Variants in RAI1 observed in about 807,000 individuals in gnomAD.
The protein encoded by RAI1 is retinoic acid-induced protein 1.
In RAI1, 9 loss-of-function variants were observed where a neutral mutation model predicts 123.8. The ratio of observed to expected loss-of-function variants is 0.07; its 90% CI spans 0.04 to 0.13. The LOEUF (loss-of-function observed/expected upper bound fraction) is 0.13, where lower values mean the gene tolerates loss of function less well. RAI1 is among the 10% of genes least tolerant of loss of function. RAI1 has a pLI of 1.00. For missense variants in RAI1, 2,256 were observed against 2,545.8 expected, an observed-to-expected ratio of 0.89 and a Z score of 2.45; for synonymous variants, 1,231 against 1,127.3, an observed-to-expected ratio of 1.09 and a Z score of -1.84.
chr17:17,690,753 G>C (rs927879577), intron 1 of RAI1, among the ~76,000 whole-genome samples: 1 of 152,220 alleles, frequency 6.6e-6, no homozygotes, highest in African/African-American at 2.4e-5. Context: ...GAGATGTGAA[G>C]TTGTAAACCT....
chr17:17,770,464 G>C (rs2031109539), intron 2 of RAI1, among the ~76,000 whole-genome samples: 1 of 152,216 alleles, frequency 6.6e-6, no homozygotes, highest in Non-Finnish European at 1.5e-5. Flanking sequence ...AGTTATAAAA[G>C]GAGGGAGATT....
chr17:17,798,159 G>C lies in RAI1; in HGVS notation c.5211G>C (p.Glu1737Asp), dbSNP rs1460966372. 6.2e-7 allele frequency: 1 copy of C among 1,613,306 alleles called. No individual in the cohort carries two copies. The highest frequency in any genetic ancestry group is 8.5e-7 in the Non-Finnish European group (1 of 1,180,050). The part of the protein sequence containing the change: ...GTCEEASLPL[E>D]RTLKGPECAA... ...GTGAGGAGGCCTCGCTGCCGCTTGA[G>C]AGAACACTCAAAGGTCCCGAGTGTG... The change falls in exon 3 of 6, where the codon GAG becomes GAC. Residue 1737 changes from glutamate (E) to aspartate (D), a missense_variant. Around this residue, in one of 7 missense-constraint regions of RAI1, gnomAD observed 243 missense variants for 316.6 expected, o/e 0.77. Transcript: ENST00000353383.
intron 2 of RAI1, among the ~76,000 whole-genome samples, chr17:17,783,441 G>T (rs2031687980): frequency 6.6e-6 from 1 of 151,326 alleles, no homozygotes; most frequent in South Asian, 2.1e-4. Context: ...CAAATAGAAG[G>T]TGAAATTTTA....
chr17:17,717,760 GATGAA>G (rs1915757143), intron 1 of RAI1, among the ~76,000 whole-genome samples: 1 of 152,184 alleles, frequency 6.6e-6, no homozygotes, highest in Admixed American at 6.5e-5. Flanking sequence ...GAGGAAGGAA[GATGAA>G]TACCCATAGT....
intron 2 of RAI1, among the ~76,000 whole-genome samples, chr17:17,782,657 A>G (rs531348943): frequency 8.7e-5 from 12 of 137,678 alleles, no homozygotes; most frequent in African/African-American, 2.9e-4. Flanking sequence ...GTGGGGACCG[A>G]AGCATTAGAA....
chr17:17,761,639 AGGTGGAAAGGTTGGGAG>A (rs2030701562), intron 2 of RAI1, among the ~76,000 whole-genome samples: 1 of 152,206 alleles, frequency 6.6e-6, no homozygotes, highest in African/African-American at 2.4e-5. Flanking sequence ...AACTAGGAGC[AGGTGGAAAGGTTGGGAG>A]GCACAAAAGG....
At chr17:17,716,839 G>A (rs567011312) in intron 1 of RAI1, among the ~76,000 whole-genome samples, 9 of 152,348 alleles carry the variant, frequency 5.9e-5, no homozygotes, top group African/African-American at 1.9e-4. Context: ...CACTGGTGGG[G>A]CTGATGTTGC....
chr17:17,803,138 G>T, intron 3 of RAI1, among the ~76,000 whole-genome samples: 1 of 139,624 alleles, frequency 7.2e-6, no homozygotes, highest in Non-Finnish European at 1.5e-5. Flanking sequence ...CACACACCAC[G>T]CCCAGCACAC....
intron 2 of RAI1, among the ~76,000 whole-genome samples, chr17:17,780,357 C>T (rs568669249): frequency 5.9e-5 from 9 of 152,146 alleles, no homozygotes; most frequent in South Asian, 2.1e-4. Flanking sequence ...TGAGGCATCG[C>T]ACCCGGCCAC....
chr17:17,782,986 A>T (rs1198431044), intron 2 of RAI1, among the ~76,000 whole-genome samples: 1 of 152,116 alleles, frequency 6.6e-6, no homozygotes. Context: ...ATCTTTGGTC[A>T]AGTGGAGTGT....
At chr17:17,744,635 C>G (rs1164578694) in intron 2 of RAI1, among the ~76,000 whole-genome samples, 1 of 151,678 alleles carries the variant, frequency 6.6e-6, no homozygotes, top group Non-Finnish European at 1.5e-5. Context: ...ACTAAAAATA[C>G]AAAAATTAGC....
chr17:17,726,999 T>A (rs1041759921), intron 2 of RAI1, among the ~76,000 whole-genome samples: 1 of 152,260 alleles, frequency 6.6e-6, no homozygotes, highest in Non-Finnish European at 1.5e-5. Context: ...ATTTACTTAA[T>A]ATTCCCCTTT....
In RAI1 at chr17:17,793,071, C is replaced by T. The variant is rs1379982771; in HGVS notation, c.123C>T (p.Asp41=). Residue 41 remains aspartate (D), a synonymous_variant, in exon 3 of 6, where the codon GAC becomes GAT. Transcript: ENST00000353383. The part of the protein sequence containing the change: ...RQPSQAGLSC[D]RQRLLAKDYY... ...CGAGTCAGGCCGGGCTAAGCTGCGA[C>T]CGGCAGCGGCTGCTCGCCAAGGACT... 1 of 1,613,792 alleles carries T rather than the reference C, an allele frequency of 6.2e-7. No homozygotes were observed.
At chr17:17,778,722 C>T (rs951330331) in intron 2 of RAI1, 1 of 456,624 alleles carries the variant, frequency 2.2e-6, no homozygotes. Flanking sequence ...GAGCAGAGGC[C>T]TGCGATTCTC....
At position 17,796,568 on chromosome 17, in the gene RAI1, A is replaced by G. The variant is rs1446610462; in HGVS notation, c.3620A>G (p.Lys1207Arg). The change falls in exon 3 of 6, where the codon AAA becomes AGA. Residue 1207 changes from lysine (K) to arginine (R), a missense_variant. Coordinates refer to ENST00000353383, the MANE Select transcript of RAI1 (RefSeq NM_030665.4). This position sits in a 1 kb window ranked among gnomAD's most constrained non-coding sequence, Gnocchi z 5.8. ...GRVSQRARVP[K>R]PGAGSKLSDR... ...GTGAGCCAGCGGGCAAGGGTCCCCA[A>G]ACCTGGTGCAGGCAGCAAGCTCTCT... 3.1e-6 allele frequency: 5 copies of G among 1,611,296 alleles called. No homozygotes were observed. The African/African-American group carries it at 4.0e-5, about 13-fold the overall frequency.
intron 2 of RAI1, among the ~76,000 whole-genome samples, chr17:17,742,998 T>C (rs972251130): frequency 6.6e-6 from 1 of 152,212 alleles, no homozygotes; most frequent in African/African-American, 2.4e-5. Flanking sequence ...CCCTGATTTA[T>C]TGATTTTTGA....
intron 1 of RAI1, among the ~76,000 whole-genome samples, chr17:17,703,674 C>G (rs1448661679): frequency 6.6e-6 from 1 of 152,076 alleles, no homozygotes; most frequent in Non-Finnish European, 1.5e-5. Flanking sequence ...GGGGCTTGCT[C>G]TGTTTGCCGA....
intron 4 of RAI1, among the ~76,000 whole-genome samples, chr17:17,806,582 C>T (rs1275442236): frequency 6.6e-6 from 1 of 152,232 alleles, no homozygotes; most frequent in East Asian, 1.9e-4. Context: ...TTCATGTCTC[C>T]AGCACCAGCC....
At position 17,810,180 on chromosome 17, in the gene RAI1, C is replaced by T; in HGVS notation, c.*199C>T. 2.7e-6 allele frequency: 2 copies of T among 739,710 alleles called. No homozygotes were observed. Among genetic ancestry groups the T allele is most frequent in the Non-Finnish European group, 4.2e-6 (2 of 476,124 alleles). The allele number at this position is 739,710 out of a possible 1,614,324, so 45.8% of individuals were successfully genotyped here. A position where few individuals can be genotyped will look rare whatever the true frequency, so the allele number is the denominator to read the frequency against. ...GCGGCCCCGGGTTGGGAGGAAAACC[C>T]GTTCCGGAGCCGCCTGCTCCCGGAA... On this transcript the variant is annotated 3_prime_UTR_variant, in exon 6 of 6. Transcript: ENST00000353383. The surrounding 1 kb of genome is among the most constrained non-coding windows in gnomAD (Gnocchi z 4.6).
Sources: allele counts gnomAD v4.1 joint callset (sites outside exome capture counted in the v4.1 genomes callset), GRCh38; gene constraint gnomAD v4.1.1; regional missense constraint gnomAD v4.1.1; non-coding constraint Gnocchi (gnomAD v3.1); transcripts MANE v1.5; gene names NCBI Gene and HGNC (gene_info 2026-07-23, HGNC 2026-07-21).